The following MYOM2 variants were observed in gnomAD, a reference collection of about 807,000 sequenced individuals.
MYOM2 encodes the protein myomesin 2.
Under a neutral mutation model 187.6 loss-of-function variants are expected in MYOM2, and 254 were observed. That is an observed-to-expected ratio of 1.35 (90% CI 1.22 to 1.50). The LOEUF is 1.50. Among genes scored for constraint, MYOM2 ranks in the 40% most tolerant of loss-of-function variants. The pLI, the probability that MYOM2 is intolerant of heterozygous loss-of-function variation, is 0.00. For synonymous variants in MYOM2, 981 were observed against 753.8 expected, an observed-to-expected ratio of 1.30 and a Z score of -4.94; for missense variants, 2,796 against 1,924.0, an observed-to-expected ratio of 1.45 and a Z score of -8.48.
chr8:2,089,158 T>C (rs1796199672), intron 14 of MYOM2, among the ~76,000 whole-genome samples: 1 of 65,868 alleles, frequency 1.5e-5, no homozygotes, highest in South Asian at 7.0e-4. Context: ...ATCCAACTTT[T>C]ACTACCACAA....
rs576011144 is a variant in MYOM2, at chr8:2,097,011, G to A, written c.2313+577G>A. 1.2e-4 allele frequency: 65 copies of A among 551,078 alleles called. 1 individual carries two copies. The highest frequency in any genetic ancestry group is 9.2e-4 in the African/African-American group (45 of 49,000). The allele number at this position is 551,078 out of a possible 1,614,324, so 34.1% of individuals were successfully genotyped here. On this transcript the variant is annotated intron_variant, in intron 18 of 36. Transcript: ENST00000262113. The stretch of plus-strand genomic sequence containing the variant: ...CAGCCATTGCTCTGTTTCCCTGTCC[G>A]GCCCTTGACCCCTCATCTGAGCATA...
intron 32 of MYOM2, among the ~76,000 whole-genome samples, chr8:2,133,451 T>C (rs1413162276): frequency 6.6e-6 from 1 of 152,140 alleles, no homozygotes; most frequent in Non-Finnish European, 1.5e-5. Context: ...GGCTCTGTTC[T>C]TGTGCTTCCA....
chr8:2,069,577 G>A, intron 8 of MYOM2, 80 bp downstream of exon 8: 1 of 1,551,292 alleles, frequency 6.4e-7, no homozygotes, highest in Non-Finnish European at 8.8e-7. Flanking sequence ...GGTTTCCTAA[G>A]GGCCAAATCT....
intron 3 of MYOM2, among the ~76,000 whole-genome samples, chr8:2,054,480 T>C (rs191569713): frequency 1.3e-5 from 2 of 152,292 alleles, no homozygotes; most frequent in African/African-American, 4.8e-5. Context: ...GACGTTACTG[T>C]GCACACGTGG....
chr8:2,083,394 A>C (rs533242341), intron 13 of MYOM2, among the ~76,000 whole-genome samples: 1 of 151,560 alleles, frequency 6.6e-6, no homozygotes, highest in African/African-American at 2.4e-5. Flanking sequence ...GGCATCTCAC[A>C]TGTGCCTAGT....
intron 18 of MYOM2, chr8:2,098,061 C>T (rs1337722596): frequency 1.3e-5 from 2 of 152,234 alleles, no homozygotes; most frequent in African/African-American, 2.4e-5. Context: ...GTCCCTGGGT[C>T]ATCTCACTCA....
At chr8:2,130,896 C>A (rs1486649351) in intron 32 of MYOM2, among the ~76,000 whole-genome samples, 3 of 152,192 alleles carry the variant, frequency 2.0e-5, no homozygotes, top group Non-Finnish European at 4.4e-5. Context: ...ATCAAACCTT[C>A]CCCTGGAAAA....
chr8:2,097,083 G>T, intron 18 of MYOM2: 2 of 977,086 alleles, frequency 2.0e-6, no homozygotes, highest in Non-Finnish European at 2.4e-6. Flanking sequence ...CGGACTGTGG[G>T]GAGCCACAGA....
chr8:2,114,763 C>T (rs939269591), intron 25 of MYOM2, among the ~76,000 whole-genome samples: 1 of 152,200 alleles, frequency 6.6e-6, no homozygotes, highest in Non-Finnish European at 1.5e-5. Context: ...AGCCACTGCA[C>T]CCAGCCTAAC....
intron 24 of MYOM2, 43 bp from the exon 25 acceptor site, chr8:2,109,352 G>C (rs369388834): frequency 1.3e-5 from 20 of 1,546,408 alleles, no homozygotes; most frequent in Non-Finnish European, 1.5e-5. Context: ...TTCCTCACAA[G>C]GATTCATGCA....
chr8:2,126,035 T>C (rs1351586403), intron 31 of MYOM2, among the ~76,000 whole-genome samples: 1 of 152,178 alleles, frequency 6.6e-6, no homozygotes, highest in African/African-American at 2.4e-5. Flanking sequence ...CATGAAATTA[T>C]TTTGTGTTAA....
chr8:2,133,605 C>T (rs1399568048), intron 32 of MYOM2, among the ~76,000 whole-genome samples: 2 of 151,682 alleles, frequency 1.3e-5, no homozygotes, highest in Admixed American at 1.3e-4. Context: ...GGTTTACAGG[C>T]ATGCGCCACC....
chr8:2,102,592 C>A, intron 20 of MYOM2, 75 bp from the exon 21 acceptor site: 1 of 975,682 alleles, frequency 1.0e-6, no homozygotes, highest in Non-Finnish European at 1.6e-6. Context: ...GCCCTATTCA[C>A]AATAAAATGT....
Position 2,128,887 on chromosome 8 carries a change from A to G in MYOM2, c.3695-240A>G, listed in dbSNP as rs537324816. 3.3e-5 allele frequency among the ~76,000 whole-genome samples: 5 copies of G among 152,318 alleles called. No individual in the cohort carries two copies. The South Asian group carries it at 6.2e-4, about 19-fold the overall frequency. On this transcript the variant is annotated intron_variant, in intron 31 of 36. Coordinates refer to ENST00000262113, the MANE Select transcript of MYOM2 (RefSeq NM_003970.4). ...GTTGAATCTTTTTAGACAGTTCTATATCTTTTACAGTATTCTGCAAAGAGC... is the reference window on the plus strand; with the variant it reads ...GTTGAATCTTTTTAGACAGTTCTATGTCTTTTACAGTATTCTGCAAAGAGC...
intron 16 of MYOM2, among the ~76,000 whole-genome samples, chr8:2,092,831 T>C (rs1056009584): frequency 1.3e-5 from 2 of 152,226 alleles, no homozygotes; most frequent in Non-Finnish European, 2.9e-5. Context: ...AAATAGTGAC[T>C]ACGATGTGAA....
intron 10 of MYOM2, among the ~76,000 whole-genome samples, chr8:2,073,724 A>G (rs1019764309): frequency 2.0e-5 from 3 of 152,240 alleles, no homozygotes; most frequent in Non-Finnish European, 2.9e-5. Context: ...GGAATAGACC[A>G]GAATCATCAT....
intron 19 of MYOM2, 55 bp downstream of exon 19, chr8:2,099,038 G>C: frequency 6.5e-7 from 1 of 1,530,932 alleles, no homozygotes; most frequent in Non-Finnish European, 8.8e-7. Context: ...GGCTGGGAAG[G>C]GGCCTCTGTG....
intron 16 of MYOM2, 107 bp downstream of exon 16, chr8:2,092,627 G>T: frequency 8.3e-7 from 1 of 1,208,270 alleles, no homozygotes; most frequent in Non-Finnish European, 1.1e-6. Flanking sequence ...AGGCTTCTGC[G>T]TAAATGAGTC....
At chr8:2,115,582 T>C (rs1407605212) in intron 25 of MYOM2, among the ~76,000 whole-genome samples, 4 of 152,254 alleles carry the variant, frequency 2.6e-5, no homozygotes, top group Non-Finnish European at 5.9e-5. Context: ...CTGTTGTTGC[T>C]ATCCATGTGG....
Sources: gnomAD v4.1 joint callset for allele counts (sites outside exome capture counted in the v4.1 genomes callset) on GRCh38, gnomAD v4.1.1 for gene constraint, MANE v1.5 for transcripts, NCBI Gene and HGNC (gene_info 2026-07-23, HGNC 2026-07-21) for gene names.